The following ZNRF1 variants were observed in gnomAD, a reference collection of about 807,000 sequenced individuals.
ZNRF1 encodes the protein E3 ubiquitin-protein ligase ZNRF1.
ZNRF1 carries 3 observed loss-of-function variants against 18.4 expected under a neutral mutation model. That is an observed-to-expected ratio of 0.16 (90% confidence interval 0.07 to 0.42). The LOEUF is 0.42. ZNRF1 is among the 10% of genes least tolerant of loss of function. The pLI, the probability that ZNRF1 is intolerant of heterozygous loss-of-function variation, is 0.99. For missense variants in ZNRF1, 310 were observed against 329.8 expected, an observed-to-expected ratio of 0.94 and a Z score of 0.47; for synonymous variants, 157 against 144.2, an observed-to-expected ratio of 1.09 and a Z score of -0.64.
chr16:75,032,835 C>G (rs1305228994), intron 1 of ZNRF1, among the ~76,000 whole-genome samples: 1 of 152,156 alleles, frequency 6.6e-6, no homozygotes, highest in Non-Finnish European at 1.5e-5. Flanking sequence ...GGCAACACAG[C>G]AAGACCCTGT....
intron 1 of ZNRF1, among the ~76,000 whole-genome samples, chr16:75,091,489 G>T (rs544633441): frequency 1.3e-5 from 2 of 151,422 alleles, no homozygotes; most frequent in Admixed American, 6.6e-5. Context: ...CTTGAACTAC[G>T]TGGGAGACTC....
At chr16:75,105,031 C>CA (rs1229376716) in intron 3 of ZNRF1, 142 bp downstream of exon 3, 4 of 631,006 alleles carry the variant, frequency 6.3e-6, no homozygotes, top group Admixed American at 2.5e-5. Flanking sequence ...CAGAGGCCAT[C>CA]AGACAGGTGT....
chr16:75,052,794 C>CATCA (rs1555512014), intron 1 of ZNRF1, among the ~76,000 whole-genome samples: 1 of 152,242 alleles, frequency 6.6e-6, no homozygotes, highest in African/African-American at 2.4e-5. Context: ...GCCTTCCCTC[C>CATCA]ATCGATCTGT....
intron 2 of ZNRF1, among the ~76,000 whole-genome samples, chr16:75,094,785 T>C (rs557193433): frequency 3.3e-5 from 5 of 152,212 alleles, no homozygotes; most frequent in African/African-American, 4.8e-5. Flanking sequence ...TTTAGTCTGG[T>C]CTCCAAACCA....
chr16:75,042,907 G>A (rs1453020245), intron 1 of ZNRF1, among the ~76,000 whole-genome samples: 4 of 152,146 alleles, frequency 2.6e-5, no homozygotes, highest in Admixed American at 6.5e-5. Flanking sequence ...ATGTATTAGC[G>A]TTCTTCCAGG....
At position 75,086,537 on chromosome 16, in the gene ZNRF1, CAGAG is replaced by C. The variant is rs1424011785; in HGVS notation, c.425-7032_425-7029del. On this transcript the variant is annotated intron_variant, in intron 1 of 4. Coordinates refer to ENST00000335325, the MANE Select transcript of ZNRF1 (RefSeq NM_032268.5). Reference sequence around the variant, plus strand: ...ATGTTTTCACTTATTTCTGTGTTGACAGAGAGGGAGTCTGTGTCTTTGAGGGTGA... The same window carrying C: ...ATGTTTTCACTTATTTCTGTGTTGACAGGGAGTCTGTGTCTTTGAGGGTGA... 2.6e-5 allele frequency among the ~76,000 whole-genome samples: 4 copies of C among 152,198 alleles called. No homozygotes were observed. In the East Asian group the frequency reaches 7.7e-4, roughly 29 times the overall value.
chr16:75,040,721 C>T (rs757564993), intron 1 of ZNRF1, among the ~76,000 whole-genome samples: 28 of 146,360 alleles, frequency 1.9e-4, no homozygotes, highest in Non-Finnish European at 3.4e-4. Context: ...ATTCTCCTGG[C>T]TTAGCCTCCT....
intron 1 of ZNRF1, among the ~76,000 whole-genome samples, chr16:75,043,790 C>CTTTTTTTTTTTT (rs59324869): frequency 0.096 from 7,153 of 74,552 alleles, 1,505 homozygotes; most frequent in African/African-American, 0.1. Context: ...TTGCTTTGTA[C>CTTTTTTTTTTTT]TTTTTTTTTT....
chr16:75,044,635 C>T (rs1288657161), intron 1 of ZNRF1, among the ~76,000 whole-genome samples: 1 of 152,014 alleles, frequency 6.6e-6, no homozygotes, highest in Non-Finnish European at 1.5e-5. Context: ...GCTGGGATTA[C>T]AGATGTGAGC....
intron 1 of ZNRF1, among the ~76,000 whole-genome samples, chr16:75,054,092 A>G (rs1249480242): frequency 1.3e-5 from 2 of 152,196 alleles, no homozygotes; most frequent in East Asian, 3.9e-4. Flanking sequence ...CCAAGGCCCT[A>G]AGCAAGGACC....
intron 1 of ZNRF1, among the ~76,000 whole-genome samples, chr16:75,035,696 G>T (rs2035368397): frequency 1.3e-5 from 2 of 152,190 alleles, no homozygotes; most frequent in Admixed American, 1.3e-4. Context: ...ATGCTTCGGG[G>T]TCTTGTGTTA....
chr16:75,083,383 G>A (rs1001442652), intron 1 of ZNRF1, among the ~76,000 whole-genome samples: 1 of 152,210 alleles, frequency 6.6e-6, no homozygotes, highest in Non-Finnish European at 1.5e-5. Context: ...TTGGGAAAGC[G>A]TGTTTTCCTC....
chr16:75,073,218 A>G (rs1016032865), intron 1 of ZNRF1, among the ~76,000 whole-genome samples: 5 of 151,926 alleles, frequency 3.3e-5, no homozygotes. Context: ...ATCTATATAC[A>G]TAGATTTATA....
intron 1 of ZNRF1, among the ~76,000 whole-genome samples, chr16:75,072,814 G>A (rs577819266): frequency 2.0e-5 from 3 of 152,212 alleles, no homozygotes; most frequent in African/African-American, 7.2e-5. Flanking sequence ...GAAGCAGGTG[G>A]CCCTGTGACC....
chr16:75,056,353 A>G (rs549625170), intron 1 of ZNRF1, among the ~76,000 whole-genome samples: 46 of 152,342 alleles, frequency 3.0e-4, no homozygotes, highest in Non-Finnish European at 5.9e-4. Context: ...GGAAGATTCC[A>G]TCGTTTTCAA....
At chr16:75,020,864 G>T (rs191985893) in intron 1 of ZNRF1, among the ~76,000 whole-genome samples, 3 of 151,942 alleles carry the variant, frequency 2.0e-5, no homozygotes, top group African/African-American at 4.8e-5. Context: ...TCTTAGAAAG[G>T]GTTTCATTAT....
chr16:75,062,575 G>A (rs969141215), intron 1 of ZNRF1, among the ~76,000 whole-genome samples: 4 of 152,240 alleles, frequency 2.6e-5, no homozygotes, highest in Admixed American at 2.0e-4. Flanking sequence ...CACCCGGGAG[G>A]AGCAGGGACG....
chr16:75,047,611 A>C (rs943479862), intron 1 of ZNRF1, among the ~76,000 whole-genome samples: 1 of 152,124 alleles, frequency 6.6e-6, no homozygotes, highest in Non-Finnish European at 1.5e-5. Flanking sequence ...GTGTGTGTAG[A>C]TCTTGCGTCT....
chr16:75,068,484 G>A (rs1449291864), intron 1 of ZNRF1, among the ~76,000 whole-genome samples: 1 of 152,136 alleles, frequency 6.6e-6, no homozygotes, highest in African/African-American at 2.4e-5. Flanking sequence ...AGTCGGGAGT[G>A]GCACTCTGAT....
Sources: allele counts gnomAD v4.1 joint callset (sites outside exome capture counted in the v4.1 genomes callset), GRCh38; gene constraint gnomAD v4.1.1; transcripts MANE v1.5; gene names NCBI Gene and HGNC (gene_info 2026-07-23, HGNC 2026-07-21).